Variants in NEK7 observed in about 807,000 individuals in gnomAD.
The protein encoded by NEK7 is serine/threonine-protein kinase Nek7.
In NEK7, 18 loss-of-function variants were observed where a neutral mutation model predicts 44.6. That is an observed-to-expected ratio of 0.40 (90% CI 0.28 to 0.60). The LOEUF (loss-of-function observed/expected upper bound fraction) is 0.60, where lower values mean the gene tolerates loss of function less well. Among genes scored for constraint, NEK7 ranks in the 20% least tolerant of loss-of-function variants. The probability of loss-of-function intolerance (pLI) is 0.38; values close to 1 mark genes in which losing one functional copy is unlikely to be tolerated. For missense variants in NEK7, 256 were observed against 366.5 expected, an observed-to-expected ratio of 0.70 and a Z score of 2.46; for synonymous variants, 130 against 121.1, an observed-to-expected ratio of 1.07 and a Z score of -0.48.
intron 1 of NEK7, among the ~76,000 whole-genome samples, chr1:198,202,094 C>A (rs1458379858): frequency 1.3e-5 from 2 of 152,134 alleles, no homozygotes; most frequent in Non-Finnish European, 2.9e-5. Flanking sequence ...CCTAAAAAGT[C>A]AGAGGTACTT....
intron 1 of NEK7, among the ~76,000 whole-genome samples, chr1:198,183,763 G>A (rs1664834718): frequency 6.6e-6 from 1 of 152,102 alleles, no homozygotes; most frequent in Non-Finnish European, 1.5e-5. Flanking sequence ...ATATTTGCAT[G>A]CCTGCTATGT....
At chr1:198,213,065 A>G (rs1665822552) in intron 1 of NEK7, among the ~76,000 whole-genome samples, 1 of 152,186 alleles carries the variant, frequency 6.6e-6, no homozygotes, top group Admixed American at 6.5e-5. Context: ...CTGGTGTGGT[A>G]CCCACTGCTG....
chr1:198,224,077 A>T (rs914371274), intron 1 of NEK7, among the ~76,000 whole-genome samples: 2 of 152,214 alleles, frequency 1.3e-5, no homozygotes, highest in Non-Finnish European at 2.9e-5. Flanking sequence ...TGAAATGGTT[A>T]TTGAAATACT....
chr1:198,316,127 G>A (rs892505114), intron 9 of NEK7, among the ~76,000 whole-genome samples: 7 of 152,218 alleles, frequency 4.6e-5, no homozygotes, highest in Non-Finnish European at 8.8e-5. Flanking sequence ...GGAATTGAAT[G>A]ATGTAAATCC....
At chr1:198,189,970 T>C (rs543630720) in intron 1 of NEK7, among the ~76,000 whole-genome samples, 1 of 152,278 alleles carries the variant, frequency 6.6e-6, no homozygotes, top group South Asian at 2.1e-4. Context: ...TTATTTAATT[T>C]GTATTGCCAT....
chr1:198,177,304 AGT>A (rs1664630884), intron 1 of NEK7, among the ~76,000 whole-genome samples: 1 of 152,168 alleles, frequency 6.6e-6, no homozygotes, highest in Non-Finnish European at 1.5e-5. Context: ...AAGGGATCAA[AGT>A]GTTCTCTTCA....
chr1:198,318,070 A>G (rs1408897627), intron 9 of NEK7, among the ~76,000 whole-genome samples: 1 of 152,096 alleles, frequency 6.6e-6, no homozygotes, highest in Non-Finnish European at 1.5e-5. Context: ...GTGTAACATT[A>G]CTATGAAACA....
At chr1:198,263,500 A>G (rs543737635) in intron 4 of NEK7, among the ~76,000 whole-genome samples, 44 of 152,078 alleles carry the variant, frequency 2.9e-4, no homozygotes, top group African/African-American at 1.0e-3. Context: ...TTCATCTTGT[A>G]TTAATATGTT....
chr1:198,284,266 T>C (rs1654301739), intron 7 of NEK7, among the ~76,000 whole-genome samples: 2 of 152,172 alleles, frequency 1.3e-5, no homozygotes, highest in Admixed American at 6.5e-5. Flanking sequence ...AGTCTGTTTT[T>C]TCATTATGTC....
intron 1 of NEK7, among the ~76,000 whole-genome samples, chr1:198,215,181 A>G (rs1665883360): frequency 6.6e-6 from 1 of 152,212 alleles, no homozygotes; most frequent in Non-Finnish European, 1.5e-5. Flanking sequence ...AAGGAATTCT[A>G]AATCTTGAAA....
At chr1:198,232,522 T>C in intron 1 of NEK7, 31 bp from the exon 2 acceptor site, 1 of 967,002 alleles carries the variant, frequency 1.0e-6, no homozygotes, top group Non-Finnish European at 1.7e-6. Context: ...AATGATTACA[T>C]TATTTAAATT....
At chr1:198,236,749 T>G (rs1390232356) in intron 2 of NEK7, among the ~76,000 whole-genome samples, 2 of 152,130 alleles carry the variant, frequency 1.3e-5, no homozygotes, top group Non-Finnish European at 2.9e-5. Context: ...AACCCTCCCA[T>G]GTGCACCCCC....
chr1:198,306,063 G>A (rs1324456257), intron 9 of NEK7, among the ~76,000 whole-genome samples: 1 of 152,106 alleles, frequency 6.6e-6, no homozygotes, highest in Non-Finnish European at 1.5e-5. Flanking sequence ...TGCCTTTGTG[G>A]CCTTAGGAAT....
At chr1:198,226,166 A>T (rs1019583730) in intron 1 of NEK7, among the ~76,000 whole-genome samples, 2 of 152,098 alleles carry the variant, frequency 1.3e-5, no homozygotes, top group African/African-American at 4.8e-5. Flanking sequence ...GTGGTACGAG[A>T]TACACTATTT....
chr1:198,217,241 G>T (rs1433288226), intron 1 of NEK7, among the ~76,000 whole-genome samples: 1 of 151,850 alleles, frequency 6.6e-6, no homozygotes, highest in African/African-American at 2.4e-5. Flanking sequence ...CACGTCAAAA[G>T]AAATAAAAAT....
chr1:198,227,139 A>G (rs943931781), intron 1 of NEK7, among the ~76,000 whole-genome samples: 3 of 151,692 alleles, frequency 2.0e-5, no homozygotes, highest in Non-Finnish European at 2.9e-5. Flanking sequence ...TGTCCTTGCG[A>G]TAGTTTGCTG....
chr1:198,197,439 C>T (rs920357159), intron 1 of NEK7, among the ~76,000 whole-genome samples: 1 of 152,130 alleles, frequency 6.6e-6, no homozygotes, highest in East Asian at 1.9e-4. Flanking sequence ...AATTTTTTAT[C>T]GAAGTGCAAC....
intron 3 of NEK7, among the ~76,000 whole-genome samples, chr1:198,255,172 C>G (rs547264671): frequency 2.2e-4 from 34 of 152,220 alleles, no homozygotes; most frequent in African/African-American, 7.5e-4. Context: ...TTGTGGTGAG[C>G]ATTGGAGCCA....
intron 5 of NEK7, among the ~76,000 whole-genome samples, chr1:198,267,327 G>T (rs1450873574): frequency 6.6e-6 from 1 of 152,020 alleles, no homozygotes; most frequent in African/African-American, 2.4e-5. Flanking sequence ...TTCCAGTGGG[G>T]AAGTCAAATA....
Sources: gnomAD v4.1 joint callset for allele counts (sites outside exome capture counted in the v4.1 genomes callset) on GRCh38, gnomAD v4.1.1 for gene constraint, MANE v1.5 for transcripts, NCBI Gene and HGNC (gene_info 2026-07-23, HGNC 2026-07-21) for gene names.